Variants in USPL1 observed in about 807,000 individuals in gnomAD.
The protein encoded by USPL1 is ubiquitin specific peptidase like 1, also known as SUMO-specific isopeptidase USPL1.
A neutral mutation model predicts 51.5 loss-of-function variants in USPL1; 27 were observed. The observed-to-expected ratio is 0.52, with a 90% CI of 0.39 to 0.72. The LOEUF (loss-of-function observed/expected upper bound fraction) is 0.72, where lower values mean the gene tolerates loss of function less well. USPL1 is among the 30% of genes least tolerant of loss of function. The probability of loss-of-function intolerance (pLI) is 0.00; values close to 1 mark genes in which losing one functional copy is unlikely to be tolerated. For missense variants in USPL1, 1,226 were observed against 1,268.0 expected, an observed-to-expected ratio of 0.97 and a Z score of 0.50; for synonymous variants, 451 against 459.6, an observed-to-expected ratio of 0.98 and a Z score of 0.24.
intron 5 of USPL1, among the ~76,000 whole-genome samples, chr13:30,638,305 C>T (rs74043524): frequency 0.018 from 2,734 of 152,222 alleles, 88 homozygotes; most frequent in African/African-American, 0.062. Flanking sequence ...TATATGTACC[C>T]AGGGTTTAGA....
At chr13:30,636,702 AAAC>A (rs1364982564) in intron 4 of USPL1, among the ~76,000 whole-genome samples, 2 of 152,370 alleles carry the variant, frequency 1.3e-5, no homozygotes, top group East Asian at 3.9e-4. Context: ...GTGAAAAAAG[AAAC>A]AACTAAAATG....
chr13:30,654,344 A>C (rs1593393251), intron 8 of USPL1, among the ~76,000 whole-genome samples: 1 of 144,500 alleles, frequency 6.9e-6, no homozygotes, highest in Admixed American at 6.9e-5. Context: ...CCTCTCTCTC[A>C]TTCTCTCTCT....
At chr13:30,654,651 T>G (rs1210332218) in intron 8 of USPL1, among the ~76,000 whole-genome samples, 1 of 152,138 alleles carries the variant, frequency 6.6e-6, no homozygotes, top group African/African-American at 2.4e-5. Context: ...TAGGTGCAGG[T>G]AGTAGATAAG....
rs769143683 is a variant in USPL1, at chr13:30,659,379, CATATA to C, written c.*28_*32del. On this transcript the variant is annotated 3_prime_UTR_variant, in exon 9 of 9. Coordinates refer to ENST00000255304, the MANE Select transcript of USPL1 (RefSeq NM_005800.5). ...TGAATTAATGCTTGTTAACTTTTTT[CATATA>C]ATATTTATTATTATTAGAAGAACTT... 4.0e-5 allele frequency: 61 copies of C among 1,506,286 alleles called. No homozygotes were observed. The highest frequency in any genetic ancestry group is 9.4e-5 in the East Asian group (4 of 42,690). The allele number at this position is 1,506,286 out of a possible 1,614,324, so 93.3% of individuals were successfully genotyped here.
intron 3 of USPL1, among the ~76,000 whole-genome samples, chr13:30,622,439 C>T (rs186797131): frequency 4.6e-5 from 7 of 152,244 alleles, no homozygotes; most frequent in African/African-American, 1.7e-4. Context: ...TGTAATACTC[C>T]ACATTTTATT....
rs546113427 is a variant in USPL1 at position 30,641,610 on chromosome 13, C to T, written c.983-1018C>T. Among the ~76,000 whole-genome samples the T allele has an allele frequency of 9.2e-5, 14 of 152,346 alleles. No homozygotes were observed. The South Asian group carries it at 2.1e-3, about 23-fold the overall frequency. Reference sequence around the variant, plus strand: ...GGAAACATGTAGATTCTCCTGCTTACCTTACTTTCCAGTCTCAAAGCTGGA... The same window carrying T: ...GGAAACATGTAGATTCTCCTGCTTATCTTACTTTCCAGTCTCAAAGCTGGA... On this transcript the variant is annotated intron_variant, in intron 5 of 8. Transcript: ENST00000255304.
chr13:30,640,251 A>G (rs779272025), intron 5 of USPL1, among the ~76,000 whole-genome samples: 1 of 152,212 alleles, frequency 6.6e-6, no homozygotes, highest in Non-Finnish European at 1.5e-5. Context: ...TTCAGTTAAT[A>G]TATAGTTACA....
At position 30,659,157 on chromosome 13, in the gene USPL1, G is replaced by A. The variant is rs1246617455; in HGVS notation, c.3080G>A (p.Cys1027Tyr). ...NTHLRQDHNY[C>Y]SPTKKNPCEV... ...CATCTGAGACAGGACCATAATTATT[G>A]TAGCCCCACCAAGAAAAATCCATGT... The change falls in exon 9 of 9, where the codon TGT (cysteine) becomes TAT (tyrosine). Residue 1027 changes from cysteine (C) to tyrosine (Y), a missense_variant. Coordinates refer to ENST00000255304, the MANE Select transcript of USPL1 (RefSeq NM_005800.5). 11 of 1,613,992 alleles carry A rather than the reference G, an allele frequency of 6.8e-6. No homozygotes were observed. Among genetic ancestry groups the A allele is most frequent in the Non-Finnish European group, 9.3e-6 (11 of 1,180,006 alleles).
chr13:30,630,930 C>T lies in USPL1; in HGVS notation c.324C>T (p.Ser108=), dbSNP rs779917776. The T allele has an allele frequency of 1.2e-6, 2 of 1,614,082 alleles. No homozygotes were observed. Among genetic ancestry groups the T allele is most frequent in the Non-Finnish European group, 1.7e-6 (2 of 1,180,020 alleles). The part of the protein sequence containing the change: ...HTPHKPQKRK[S]LESSYKDSLL... ...CACATAAGCCTCAGAAAAGGAAGAG[C>T]TTAGAAAGCAGCTATAAGGATTCAC... Residue 108 remains serine (S), a synonymous_variant, in exon 4 of 9, where the codon AGC becomes AGT. Transcript: ENST00000255304.
intron 5 of USPL1, among the ~76,000 whole-genome samples, chr13:30,638,587 G>A (rs1205969041): frequency 2.6e-5 from 4 of 151,850 alleles, no homozygotes; most frequent in East Asian, 1.9e-4. Context: ...AAGGAGCTGC[G>A]GGGTTTTTTT....
At chr13:30,622,028 G>C (rs2137602234) in intron 3 of USPL1, 136 bp downstream of exon 3, 1 of 556,906 alleles carries the variant, frequency 1.8e-6, no homozygotes, top group East Asian at 3.9e-5. Context: ...TTGTAAGTCT[G>C]TCTGGTATAC....
Position 30,632,155 on chromosome 13 carries a change from C to G in USPL1, c.868+681C>G, listed in dbSNP as rs568152929. On this transcript the variant is annotated intron_variant, in intron 4 of 8. Transcript: ENST00000255304. ...ATCAGGCCCCAGTGTGTGATGTTCC[C>G]CTCCCTGTGTCCATGTGTTCTCATT... 5.3e-5 allele frequency among the ~76,000 whole-genome samples: 8 copies of G among 152,084 alleles called. No individual in the cohort carries two copies. The South Asian group carries it at 1.5e-3, about 28-fold the overall frequency.
intron 5 of USPL1, among the ~76,000 whole-genome samples, chr13:30,638,221 C>A (rs1348054029): frequency 1.3e-3 from 195 of 152,284 alleles, no homozygotes; most frequent in African/African-American, 4.5e-3. Flanking sequence ...AATGCCAATG[C>A]TGGGGCATTT....
intron 6 of USPL1, among the ~76,000 whole-genome samples, chr13:30,643,029 G>A: frequency 6.6e-6 from 1 of 152,216 alleles, no homozygotes. Flanking sequence ...AGGCATTTTT[G>A]TTTATTCCTC....
intron 5 of USPL1, among the ~76,000 whole-genome samples, chr13:30,639,920 C>G (rs1177739440): frequency 1.3e-5 from 2 of 152,196 alleles, no homozygotes; most frequent in Non-Finnish European, 2.9e-5. Context: ...AAAGTTACAT[C>G]TTTTGCTCCA....
At position 30,631,261 on chromosome 13, in the gene USPL1, A is replaced by G. The variant is rs749784832; in HGVS notation, c.655A>G (p.Thr219Ala). The G allele has an allele frequency of 7.7e-5, 125 of 1,614,094 alleles. No individual in the cohort carries two copies. The highest frequency in any genetic ancestry group is 9.8e-5 in the Non-Finnish European group (116 of 1,180,034). The change falls in exon 4 of 9, where the codon ACA becomes GCA. Residue 219 changes from threonine to alanine, a missense_variant. By Grantham distance (58) the Thr-to-Ala change is moderately conservative. Transcript: ENST00000255304. The stretch of plus-strand genomic sequence containing the variant: ...GGAAATGCCACTGGAGAGCAAATGT[A>G]CATCATTTCCCCAGGCTTTATGTGT... ...KLEMPLESKC[T>A]SFPQALCVQW...
intron 8 of USPL1, among the ~76,000 whole-genome samples, chr13:30,655,340 A>T (rs896224038): frequency 6.6e-6 from 1 of 152,220 alleles, no homozygotes; most frequent in Admixed American, 6.5e-5. Flanking sequence ...TTGTTCTCAG[A>T]TAGTCACTAG....
At position 30,653,250 on chromosome 13, in the gene USPL1, T is replaced by A. The variant is rs763199809; in HGVS notation, c.1341T>A (p.Ser447=). The stretch of plus-strand genomic sequence containing the variant: ...AAGGCTGTCTTTATCAGATAACTTC[T>A]GTAATTCAGTATCGAGCAAATAATC... ...HFEGCLYQIT[S]VIQYRANNHF... is the part of the protein sequence containing the mutation. The change falls in exon 8 of 9, where the codon TCT becomes TCA. Residue 447 remains serine (S), a synonymous_variant. Coordinates refer to ENST00000255304, the MANE Select transcript of USPL1 (RefSeq NM_005800.5). The A allele has an allele frequency of 1.9e-6, 3 of 1,612,468 alleles. No homozygotes were observed. Among genetic ancestry groups the A allele is most frequent in the Non-Finnish European group, 2.5e-6 (3 of 1,178,904 alleles).
At chr13:30,639,779 T>A (rs999159102) in intron 5 of USPL1, among the ~76,000 whole-genome samples, 18 of 152,256 alleles carry the variant, frequency 1.2e-4, no homozygotes, top group South Asian at 1.0e-3. Context: ...ATGGAAGGGC[T>A]TTCGTGGTGC....
Sources: gnomAD v4.1 joint callset for allele counts (sites outside exome capture counted in the v4.1 genomes callset) on GRCh38, gnomAD v4.1.1 for gene constraint, MANE v1.5 for transcripts, NCBI Gene and HGNC (gene_info 2026-07-23, HGNC 2026-07-21) for gene names.